The following SMARCE1 variants were observed in gnomAD, a reference collection of about 807,000 sequenced individuals.
SMARCE1 encodes the protein SWI/SNF-related matrix-associated actin-dependent regulator of chromatin subfamily E member 1.
SMARCE1 carries 13 observed loss-of-function variants against 54.9 expected under a neutral mutation model. The ratio of observed to expected loss-of-function variants is 0.24; its 90% CI spans 0.15 to 0.38. The LOEUF (loss-of-function observed/expected upper bound fraction) is 0.38, where lower values mean the gene tolerates loss of function less well. SMARCE1 is among the 10% of genes least tolerant of loss of function. The pLI is 1.00. For synonymous variants in SMARCE1, 151 were observed against 175.3 expected, an observed-to-expected ratio of 0.86 and a Z score of 1.10; for missense variants, 295 against 523.8, an observed-to-expected ratio of 0.56 and a Z score of 4.26.
In SMARCE1 at chr17:40,625,097, G is replaced by A. The variant is rs993186482; in HGVS notation, c.*3688C>T. On this transcript the variant is annotated 3_prime_UTR_variant, in exon 11 of 11. Coordinates refer to ENST00000348513, the MANE Select transcript of SMARCE1 (RefSeq NM_003079.5). ...AAGCTGCCACGAAGAGCTTATTCTTGGAGTATAAAATGCAGAATTTAGGTT... is the reference window on the plus strand; with the variant it reads ...AAGCTGCCACGAAGAGCTTATTCTTAGAGTATAAAATGCAGAATTTAGGTT... The A allele has an allele frequency of 1.3e-5, 2 of 152,180 alleles. No homozygotes were observed. The highest frequency in any genetic ancestry group is 4.8e-5 in the African/African-American group (2 of 41,432). 9.4% of individuals were successfully genotyped at this position (152,180 alleles called of 1,614,324 possible).
At chr17:40,645,377 GTTTCTT>G (rs1468396252) in intron 3 of SMARCE1, 193 bp downstream of exon 3, 8 of 479,356 alleles carry the variant, frequency 1.7e-5, no homozygotes, top group Non-Finnish European at 2.9e-5. Context: ...TTACAGTACT[GTTTCTT>G]TAAATGTTGG....
In SMARCE1 at chr17:40,628,517, G is replaced by C; in HGVS notation, c.*268C>G. On this transcript the variant is annotated 3_prime_UTR_variant, in exon 11 of 11. Transcript: ENST00000348513. ...ATCAAAGGATAATTCTCTAAAAGAGGTGGGTGTTTTCTCAATTAATCTAAA... is the reference window on the plus strand; with the variant it reads ...ATCAAAGGATAATTCTCTAAAAGAGCTGGGTGTTTTCTCAATTAATCTAAA... The C allele has an allele frequency of 2.6e-6, 1 of 385,158 alleles. No homozygotes were observed. The highest frequency in any genetic ancestry group is 5.6e-5 in the East Asian group (1 of 17,770). 23.9% of individuals were successfully genotyped at this position (385,158 alleles called of 1,614,324 possible).
intron 4 of SMARCE1, 179 bp from the exon 5 acceptor site, chr17:40,637,751 A>G (rs2037160109): frequency 1.7e-6 from 1 of 586,620 alleles, no homozygotes; most frequent in African/African-American, 1.9e-5. Context: ...CTTTAAGCAC[A>G]TAATTTTTAA....
At chr17:40,647,302 T>A (rs1346315652) in intron 1 of SMARCE1, 2 of 152,268 alleles carry the variant, frequency 1.3e-5, no homozygotes, top group East Asian at 3.8e-4. Context: ...TCGGAAAGTT[T>A]AAACAACTTG....
intron 9 of SMARCE1, 52 bp downstream of exon 9, chr17:40,631,540 A>T: frequency 1.1e-6 from 1 of 911,986 alleles, no homozygotes; most frequent in East Asian, 2.4e-5. Context: ...ATGAGGAAAA[A>T]TAAAGTAACA....
chr17:40,640,218 T>C (rs1373797163), intron 4 of SMARCE1: 1 of 152,234 alleles, frequency 6.6e-6, no homozygotes, highest in Non-Finnish European at 1.5e-5. Flanking sequence ...TCTATTAATG[T>C]ACAGAAATAG....
At chr17:40,647,047 A>C (rs1008232032) in intron 1 of SMARCE1, among the ~76,000 whole-genome samples, 3 of 152,072 alleles carry the variant, frequency 2.0e-5, no homozygotes, top group African/African-American at 7.2e-5. Context: ...CCTGTACGTT[A>C]TACTTCATTG....
At chr17:40,629,091 G>T (rs2037065016) in intron 10 of SMARCE1, 98 bp from the exon 11 acceptor site, 2 of 948,222 alleles carry the variant, frequency 2.1e-6, no homozygotes, top group South Asian at 1.5e-5. Flanking sequence ...GAAGCCACTA[G>T]CCACATGTGG....
intron 4 of SMARCE1, chr17:40,641,702 CT>C (rs938658117): frequency 1.3e-5 from 2 of 151,982 alleles, no homozygotes; most frequent in Non-Finnish European, 2.9e-5. Flanking sequence ...GGTGCTTAAA[CT>C]TTTTTGAATG....
At chr17:40,645,737 T>C in intron 2 of SMARCE1, 59 bp downstream of exon 2, 2 of 1,079,118 alleles carry the variant, frequency 1.9e-6, no homozygotes, top group Non-Finnish European at 1.3e-6. Flanking sequence ...GAATTCCCAC[T>C]TGCTAGGGCA....
chr17:40,638,171 A>G (rs979279011), intron 4 of SMARCE1, among the ~76,000 whole-genome samples: 15 of 152,332 alleles, frequency 9.8e-5, no homozygotes, highest in Admixed American at 2.6e-4. Flanking sequence ...GTTTTCTTGT[A>G]AAGGGGAATG....
Position 40,632,203 on chromosome 17 carries a change from C to T in SMARCE1, c.706G>A (p.Val236Ile), listed in dbSNP as rs745924628. The change falls in exon 8 of 11, where the codon GTT becomes ATT. Residue 236 changes from valine to isoleucine, a missense_variant. Val to Ile is a conservative substitution (Grantham distance 29). Transcript: ENST00000348513. ...ATGTTTTATGACTTTACCTGATGAACCATTAAGGACTGGACCTGCCGTTTG... is the reference window on the plus strand; with the variant it reads ...ATGTTTTATGACTTTACCTGATGAATCATTAAGGACTGGACCTGCCGTTTG... ...VLKRQVQSLM[V>I]HQRKLEAELL... 1 of 1,611,004 alleles carries T rather than the reference C, an allele frequency of 6.2e-7. No homozygotes were observed. Among genetic ancestry groups the T allele is most frequent in the Admixed American group, 1.7e-5 (1 of 59,676 alleles).
intron 3 of SMARCE1, chr17:40,644,047 G>A (rs368956768): frequency 6.6e-6 from 1 of 152,472 alleles, no homozygotes. Context: ...AATTCATTTA[G>A]TATCCATTCT....
chr17:40,636,289 T>C (rs894812285), intron 6 of SMARCE1, 106 bp downstream of exon 6: 20 of 1,272,828 alleles, frequency 1.6e-5, no homozygotes, highest in Non-Finnish European at 1.9e-5. Context: ...AGAGCCTCAG[T>C]ACTGCATCAG....
chr17:40,636,030 G>A lies in SMARCE1; in HGVS notation c.442C>T (p.Arg148Cys), dbSNP rs147065057. The A allele has an allele frequency of 6.2e-7, 1 of 1,613,578 alleles. No individual in the cohort carries two copies. The highest frequency in any genetic ancestry group is 8.5e-7 in the Non-Finnish European group (1 of 1,179,716). The change falls in exon 7 of 11, where the codon CGT (arginine) becomes TGT (cysteine). Residue 148 changes from arginine to cysteine, a missense_variant. Transcript: ENST00000348513. ...TCTTCCTCTAAAGCAGCTTCTGCACGACTTTTTGCATTTATGTAAGCAAGG... is the reference window on the plus strand; with the variant it reads ...TCTTCCTCTAAAGCAGCTTCTGCACAACTTTTTGCATTTATGTAAGCAAGG... ...AYLAYINAKSRAEAALEEESR... is the reference protein window; with the variant it reads ...AYLAYINAKSCAEAALEEESR...
rs1187952438 is a variant in SMARCE1 at position 40,627,444 on chromosome 17, G to T, written c.*1341C>A. On this transcript the variant is annotated 3_prime_UTR_variant, in exon 11 of 11. Transcript: ENST00000348513. ...CAGATTTCTCCATATTCCTGTTAAT[G>T]TAGAAACATATTCCCTTTACTTTTG... 1.3e-5 allele frequency: 2 copies of T among 152,214 alleles called. No homozygotes were observed. Among genetic ancestry groups the T allele is most frequent in the Non-Finnish European group, 2.9e-5 (2 of 68,042 alleles). 9.4% of individuals were successfully genotyped at this position (152,214 alleles called of 1,614,324 possible). A position where few individuals can be genotyped will look rare whatever the true frequency, so the allele number is the denominator to read the frequency against.
chr17:40,646,596 C>A (rs1250440562), intron 1 of SMARCE1, among the ~76,000 whole-genome samples: 1 of 152,082 alleles, frequency 6.6e-6, no homozygotes, highest in Non-Finnish European at 1.5e-5. Context: ...GAAAGAGGGA[C>A]CATGTCAGGA....
intron 4 of SMARCE1, among the ~76,000 whole-genome samples, chr17:40,638,774 T>C (rs547779706): frequency 6.6e-6 from 1 of 152,260 alleles, no homozygotes; most frequent in African/African-American, 2.4e-5. Flanking sequence ...AAAGACAGGA[T>C]TGGCAAATCC....
chr17:40,644,923 C>T (rs904986574), intron 3 of SMARCE1: 1 of 152,276 alleles, frequency 6.6e-6, no homozygotes, highest in Non-Finnish European at 1.5e-5. Flanking sequence ...ACTGCTAAAT[C>T]TGTTTTGTGG....
Sources: gnomAD v4.1 joint callset for allele counts (sites outside exome capture counted in the v4.1 genomes callset) on GRCh38, gnomAD v4.1.1 for gene constraint, MANE v1.5 for transcripts, NCBI Gene and HGNC (gene_info 2026-07-23, HGNC 2026-07-21) for gene names.